Variants in GCLC observed in about 807,000 individuals in gnomAD.
GCLC encodes the protein glutamate-cysteine ligase catalytic subunit.
Under a neutral mutation model 81.5 loss-of-function variants are expected in GCLC, and 30 were observed. That is an observed-to-expected ratio of 0.37 (90% CI 0.28 to 0.50). The LOEUF is 0.50. Among genes scored for constraint, GCLC ranks in the 20% least tolerant of loss-of-function variants. GCLC has a pLI of 0.96. For synonymous variants in GCLC, 262 were observed against 273.3 expected (o/e 0.96, Z 0.41); for missense variants, 556 against 777.4 (o/e 0.72, Z 3.39).
chr6:53,533,787 TTTTTC>T (rs1763211750), intron 1 of GCLC, among the ~76,000 whole-genome samples: 1 of 149,528 alleles, frequency 6.7e-6, no homozygotes, highest in Non-Finnish European at 1.5e-5. Flanking sequence ...TTAAGTTCTG[TTTTTC>T]TTTTCTTTTT....
intron 4 of GCLC, among the ~76,000 whole-genome samples, chr6:53,515,800 T>C (rs894435594): frequency 5.9e-5 from 9 of 151,844 alleles, no homozygotes; most frequent in African/African-American, 2.2e-4. Flanking sequence ...AAAATCCCAG[T>C]AGGCATTTAC....
chr6:53,512,156 G>T (rs1036925857), intron 6 of GCLC, among the ~76,000 whole-genome samples: 6 of 151,870 alleles, frequency 4.0e-5, no homozygotes, highest in African/African-American at 1.2e-4. Context: ...TGATGACCAG[G>T]CTTGTCTCAA....
In GCLC at chr6:53,498,511, G is replaced by C. The variant is rs1764422216; in HGVS notation, c.*245C>G. The stretch of plus-strand genomic sequence containing the variant: ...TAAGAATTTAAAAATGTACAAGCCA[G>C]TTCATGATGACTTTAGATATGTTAT... On this transcript the variant is annotated 3_prime_UTR_variant, in exon 16 of 16. Transcript: ENST00000650454. The C allele has an allele frequency of 2.0e-6, 1 of 503,594 alleles. No individual in the cohort carries two copies. The highest frequency in any genetic ancestry group is 3.6e-5 in the East Asian group (1 of 28,120). 31.2% of individuals were successfully genotyped at this position (503,594 alleles called of 1,614,324 possible). A position where few individuals can be genotyped will look rare whatever the true frequency, so the allele number is the denominator to read the frequency against.
chr6:53,535,989 A>G (rs891305438), intron 1 of GCLC, among the ~76,000 whole-genome samples: 2 of 152,274 alleles, frequency 1.3e-5, no homozygotes, highest in African/African-American at 4.8e-5. Context: ...ACAAACTTGT[A>G]TGTTAATGTT....
At chr6:53,520,696 G>A (rs1213617756) in intron 3 of GCLC, 82 bp downstream of exon 3, 2 of 1,094,032 alleles carry the variant, frequency 1.8e-6, no homozygotes, top group East Asian at 2.3e-5. Flanking sequence ...ATTGTAAGGT[G>A]GAATGCCCGG....
At chr6:53,507,279 G>C (rs1041100270) in intron 9 of GCLC, among the ~76,000 whole-genome samples, 1 of 152,176 alleles carries the variant, frequency 6.6e-6, no homozygotes, top group African/African-American at 2.4e-5. Flanking sequence ...GACCTCCAAA[G>C]TAAGCTCCTT....
intron 1 of GCLC, among the ~76,000 whole-genome samples, chr6:53,542,570 T>TA (rs1333939749): frequency 1.4e-5 from 2 of 147,068 alleles, no homozygotes; most frequent in African/African-American, 2.5e-5. Context: ...CAAAGATGGA[T>TA]AAGGGGTGGT....
intron 12 of GCLC, chr6:53,503,114 C>CTT (rs1764544276): frequency 6.6e-6 from 1 of 152,166 alleles, no homozygotes; most frequent in Non-Finnish European, 1.5e-5. Flanking sequence ...AAAGTAGGGC[C>CTT]TTTGGGAGGC....
At chr6:53,529,915 C>T (rs1275399573) in intron 1 of GCLC, among the ~76,000 whole-genome samples, 1 of 152,218 alleles carries the variant, frequency 6.6e-6, no homozygotes, top group Admixed American at 6.5e-5. Context: ...CCCCAGTGGG[C>T]GGTGCCCCGC....
intron 1 of GCLC, among the ~76,000 whole-genome samples, chr6:53,537,795 G>A (rs989386128): frequency 2.0e-5 from 3 of 151,956 alleles, no homozygotes; most frequent in Middle Eastern, 3.4e-3. Flanking sequence ...AATGACCACA[G>A]CTATTTAAAT....
intron 4 of GCLC, among the ~76,000 whole-genome samples, chr6:53,515,818 G>A (rs1009241741): frequency 2.0e-5 from 3 of 152,092 alleles, no homozygotes; most frequent in African/African-American, 4.8e-5. Flanking sequence ...TACAGACCTA[G>A]GACTGAAAAT....
At chr6:53,537,603 G>T (rs1006623223) in intron 1 of GCLC, among the ~76,000 whole-genome samples, 1 of 149,932 alleles carries the variant, frequency 6.7e-6, no homozygotes, top group Non-Finnish European at 1.5e-5. Context: ...GAGCAAGAAA[G>T]ACCCTGTCTC....
intron 6 of GCLC, chr6:53,509,599 G>T: frequency 2.7e-6 from 1 of 366,880 alleles, no homozygotes. Context: ...CCTTCAGTCA[G>T]TGAGGGATGC....
intron 12 of GCLC, among the ~76,000 whole-genome samples, chr6:53,502,888 C>T (rs1021608761): frequency 1.3e-5 from 2 of 152,148 alleles, no homozygotes; most frequent in African/African-American, 4.8e-5. Flanking sequence ...GCCACCCTTT[C>T]GCCAGCAAGT....
In GCLC at chr6:53,498,701, A is replaced by G. The variant is rs1385431099; in HGVS notation, c.*55T>C. 4 of 1,071,436 alleles carry G rather than the reference A, an allele frequency of 3.7e-6. No homozygotes were observed. In the Admixed American group the frequency reaches 5.1e-5, roughly 14 times the overall value. 66.4% of individuals were successfully genotyped at this position (1,071,436 alleles called of 1,614,324 possible). On this transcript the variant is annotated 3_prime_UTR_variant, in exon 16 of 16. Transcript: ENST00000650454. ...ATATTATACACACGGGCTGGCTGAGAGGCATGGTACTGTAGCCAGTTCGTC... is the reference window on the plus strand; with the variant it reads ...ATATTATACACACGGGCTGGCTGAGGGGCATGGTACTGTAGCCAGTTCGTC...
At chr6:53,508,466 C>A in intron 8 of GCLC, 129 bp downstream of exon 8, 1 of 761,102 alleles carries the variant, frequency 1.3e-6, no homozygotes, top group Non-Finnish European at 2.4e-6. Context: ...TAACTCCCCA[C>A]CTAGACCAAA....
rs1013192835 is a variant in GCLC, at chr6:53,544,928, C to T, written c.-283G>A. 3.9e-6 allele frequency: 1 copy of T among 258,482 alleles called. No individual in the cohort carries two copies. The highest frequency in any genetic ancestry group is 2.2e-5 in the African/African-American group (1 of 44,446). 16.0% of individuals were successfully genotyped at this position (258,482 alleles called of 1,614,324 possible). ...TCTCGGCCCGGCGGCCTCGCCCTCCCCGCTGCTCCTCCTCCCGCTCCGATG... is the reference window on the plus strand; with the variant it reads ...TCTCGGCCCGGCGGCCTCGCCCTCCTCGCTGCTCCTCCTCCCGCTCCGATG... On this transcript the variant is annotated 5_prime_UTR_variant, in exon 1 of 16. Transcript: ENST00000650454.
chr6:53,537,451 C>A (rs1763274723), intron 1 of GCLC, among the ~76,000 whole-genome samples: 1 of 152,130 alleles, frequency 6.6e-6, no homozygotes, highest in African/African-American at 2.4e-5. Flanking sequence ...TGCTCTATAT[C>A]TTATTTTAAG....
intron 4 of GCLC, 89 bp downstream of exon 4, chr6:53,516,019 CA>C: frequency 4.9e-6 from 4 of 822,446 alleles, no homozygotes; most frequent in Non-Finnish European, 8.4e-6. Context: ...AGTTAATGCT[CA>C]AAAAGGATTT....
Sources: allele counts gnomAD v4.1 joint callset (sites outside exome capture counted in the v4.1 genomes callset), GRCh38; gene constraint gnomAD v4.1.1; transcripts MANE v1.5; gene names NCBI Gene and HGNC (gene_info 2026-07-23, HGNC 2026-07-21).